Variants in RASGEF1C observed in about 807,000 individuals in gnomAD.
The protein encoded by RASGEF1C is RasGEF domain family member 1C, also known as ras-GEF domain-containing family member 1C.
RASGEF1C carries 27 observed loss-of-function variants against 58.1 expected under a neutral mutation model. The ratio of observed to expected loss-of-function variants is 0.46; its 90% CI spans 0.34 to 0.64. The LOEUF is 0.64. Among genes scored for constraint, RASGEF1C ranks in the 30% least tolerant of loss-of-function variants. RASGEF1C has a pLI of 0.01. For missense variants in RASGEF1C, 502 were observed against 605.1 expected, an observed-to-expected ratio of 0.83 and a Z score of 1.79; for synonymous variants, 243 against 246.3, an observed-to-expected ratio of 0.99 and a Z score of 0.13.
intron 12 of RASGEF1C, among the ~76,000 whole-genome samples, chr5:180,104,345 C>G (rs1765842456): frequency 6.6e-6 from 1 of 152,168 alleles, no homozygotes; most frequent in Non-Finnish European, 1.5e-5. Context: ...GCCAGTCTGG[C>G]CCCTTTTTGC....
Position 180,114,539 on chromosome 5 carries a change from A to C in RASGEF1C, c.1086T>G (p.Ile362Met), listed in dbSNP as rs755240281. The change falls in exon 11 of 14, where the codon ATT (isoleucine) becomes ATG (methionine). Residue 362 changes from isoleucine to methionine, a missense_variant and splice_region_variant. Transcript: ENST00000361132. Reference sequence around the variant, plus strand: ...TGAGCAGGCTGAAGAAAGGAATGACAATCTGGAAGAAAGAGGGGGCAGGTC... The same window carrying C: ...TGAGCAGGCTGAAGAAAGGAATGACCATCTGGAAGAAAGAGGGGGCAGGTC... The part of the protein sequence containing the change: ...SLTAHSSREK[I>M]VIPFFSLLIK... 1 of 1,609,550 alleles carries C rather than the reference A, an allele frequency of 6.2e-7. No homozygotes were observed. The highest frequency in any genetic ancestry group is 1.1e-5 in the South Asian group (1 of 90,768).
At chr5:180,179,922 G>A (rs1405639707) in intron 1 of RASGEF1C, among the ~76,000 whole-genome samples, 3 of 152,164 alleles carry the variant, frequency 2.0e-5, no homozygotes, top group East Asian at 3.9e-4. Context: ...CTGGCTTTGC[G>A]TCCGTCAACG....
chr5:180,184,921 G>A (rs755348083), intron 1 of RASGEF1C, among the ~76,000 whole-genome samples: 4 of 152,176 alleles, frequency 2.6e-5, no homozygotes, highest in African/African-American at 4.8e-5. Flanking sequence ...ATAGAACTGC[G>A]AGAATAAACA....
chr5:180,201,699 G>A (rs953343457), intron 1 of RASGEF1C, among the ~76,000 whole-genome samples: 1 of 152,192 alleles, frequency 6.6e-6, no homozygotes, highest in African/African-American at 2.4e-5. Flanking sequence ...TAATGGAAAC[G>A]TAGTCCCCAG....
intron 12 of RASGEF1C, among the ~76,000 whole-genome samples, chr5:180,103,818 G>T (rs1765835826): frequency 6.6e-6 from 1 of 152,186 alleles, no homozygotes; most frequent in African/African-American, 2.4e-5. Context: ...AAGCGTTTCT[G>T]TGGATGCAAC....
chr5:180,174,551 T>C (rs1051900594), intron 1 of RASGEF1C, among the ~76,000 whole-genome samples: 7 of 145,660 alleles, frequency 4.8e-5, no homozygotes, highest in African/African-American at 1.8e-4. Context: ...CGTGTGTGCG[T>C]GTGTCTGTGT....
At chr5:180,181,218 G>A (rs1309114832) in intron 1 of RASGEF1C, among the ~76,000 whole-genome samples, 1 of 152,232 alleles carries the variant, frequency 6.6e-6, no homozygotes, top group Non-Finnish European at 1.5e-5. Flanking sequence ...GGAAATGGCA[G>A]CTACCAGGTA....
At chr5:180,206,695 G>A (rs1365362877) in intron 1 of RASGEF1C, among the ~76,000 whole-genome samples, 2 of 152,120 alleles carry the variant, frequency 1.3e-5, no homozygotes, top group African/African-American at 4.8e-5. Flanking sequence ...TTCATCCAGA[G>A]GACATAATTT....
intron 1 of RASGEF1C, among the ~76,000 whole-genome samples, chr5:180,183,020 A>C (rs1479139294): frequency 6.6e-6 from 1 of 152,226 alleles, no homozygotes; most frequent in Non-Finnish European, 1.5e-5. Flanking sequence ...GGAGTTTTGC[A>C]AGTTTAAGTA....
At chr5:180,154,061 C>T (rs1053394897) in intron 1 of RASGEF1C, among the ~76,000 whole-genome samples, 4 of 152,318 alleles carry the variant, frequency 2.6e-5, no homozygotes, top group African/African-American at 4.8e-5. Flanking sequence ...CCTGGGCCTT[C>T]TCAGAGTCCA....
intron 6 of RASGEF1C, among the ~76,000 whole-genome samples, chr5:180,121,856 T>A (rs991296604): frequency 1.3e-5 from 2 of 152,242 alleles, no homozygotes; most frequent in Admixed American, 1.3e-4. Flanking sequence ...CAATGCTTTG[T>A]CCCGCATCAC....
intron 6 of RASGEF1C, among the ~76,000 whole-genome samples, chr5:180,125,950 G>A (rs569007412): frequency 1.1e-4 from 16 of 152,246 alleles, no homozygotes; most frequent in South Asian, 6.2e-4. Context: ...GTATACCAGC[G>A]GGTGTAAGAA....
chr5:180,101,868 C>G (rs1325051712), intron 13 of RASGEF1C, among the ~76,000 whole-genome samples: 2 of 152,204 alleles, frequency 1.3e-5, no homozygotes, highest in African/African-American at 2.4e-5. Flanking sequence ...GCTCAGCCTC[C>G]TCTCCTCACC....
chr5:180,191,501 C>A (rs957663491), intron 1 of RASGEF1C, among the ~76,000 whole-genome samples: 1 of 152,172 alleles, frequency 6.6e-6, no homozygotes, highest in African/African-American at 2.4e-5. Flanking sequence ...GGACTACAGG[C>A]GCCCGCCACC....
chr5:180,106,441 A>G (rs4700870), intron 12 of RASGEF1C, among the ~76,000 whole-genome samples: 60,827 of 151,956 alleles, frequency 0.4, 13,649 homozygotes, highest in South Asian at 0.59. Flanking sequence ...ATTTCCTCTG[A>G]GTCCTGCTTT....
Position 180,198,314 on chromosome 5 carries a change from A to ATACTGGACGCCTGCCT in RASGEF1C, c.-7+10698_-7+10713dup, listed in dbSNP as rs796453858. Reference sequence around the variant, plus strand: ...CCCAAGAAGGGAAGAAAGTGAAGGCATACTGGACGCCTGCCTTGGCCAGCT... The same window carrying ATACTGGACGCCTGCCT: ...CCCAAGAAGGGAAGAAAGTGAAGGCATACTGGACGCCTGCCTTACTGGACGCCTGCCTTGGCCAGCT... On this transcript the variant is annotated intron_variant, in intron 1 of 13. Coordinates refer to ENST00000361132, the MANE Select transcript of RASGEF1C (RefSeq NM_175062.4). This position sits in a 1 kb window ranked among gnomAD's most constrained non-coding sequence, Gnocchi z 4.5. 1.3e-4 allele frequency among the ~76,000 whole-genome samples: 20 copies of ATACTGGACGCCTGCCT among 152,360 alleles called. No individual in the cohort carries two copies. Among genetic ancestry groups the ATACTGGACGCCTGCCT allele is most frequent in the African/African-American group, 4.8e-4 (20 of 41,592 alleles).
At chr5:180,132,867 G>A (rs1457278371) in intron 4 of RASGEF1C, among the ~76,000 whole-genome samples, 2 of 151,814 alleles carry the variant, frequency 1.3e-5, no homozygotes, top group Non-Finnish European at 2.9e-5. Flanking sequence ...TACTCAGAAG[G>A]CTGAGGTAGG....
At chr5:180,159,930 C>T (rs1443872644) in intron 1 of RASGEF1C, among the ~76,000 whole-genome samples, 3 of 152,208 alleles carry the variant, frequency 2.0e-5, no homozygotes, top group African/African-American at 7.2e-5. Context: ...GCCCAGCCAA[C>T]ACGTGGGGGC....
At chr5:180,104,427 A>G (rs1765843229) in intron 12 of RASGEF1C, among the ~76,000 whole-genome samples, 1 of 152,236 alleles carries the variant, frequency 6.6e-6, no homozygotes, top group Admixed American at 6.5e-5. Flanking sequence ...GCTCCACCTT[A>G]GAAGCAGAGA....
Sources: allele counts gnomAD v4.1 joint callset (sites outside exome capture counted in the v4.1 genomes callset), GRCh38; gene constraint gnomAD v4.1.1; non-coding constraint Gnocchi (gnomAD v3.1); transcripts MANE v1.5; gene names NCBI Gene and HGNC (gene_info 2026-07-23, HGNC 2026-07-21).